Variants in USP6 observed in about 807,000 individuals in gnomAD.
The protein encoded by USP6 is ubiquitin specific peptidase 6.
A neutral mutation model predicts 175.7 loss-of-function variants in USP6; 128 were observed. The observed-to-expected ratio is 0.73, with a 90% CI of 0.63 to 0.84. The LOEUF (loss-of-function observed/expected upper bound fraction) is 0.84, where lower values mean the gene tolerates loss of function less well. Among genes scored for constraint, USP6 ranks in the 40% least tolerant of loss-of-function variants. The pLI, the probability that USP6 is intolerant of heterozygous loss-of-function variation, is 0.00. For synonymous variants in USP6, 562 were observed against 630.6 expected (o/e 0.89, Z 1.63); for missense variants, 1,498 against 1,760.3 (o/e 0.85, Z 2.67).
chr17:5,147,246 T>G (rs746209674), intron 29 of USP6, 52 bp downstream of exon 29: 54 of 1,518,162 alleles, frequency 3.6e-5, no homozygotes, highest in Non-Finnish European at 4.7e-5. Context: ...AATATTTGTC[T>G]AAGAGTTGTC....
intron 2 of USP6, among the ~76,000 whole-genome samples, chr17:5,119,445 C>A (rs1376966702): frequency 6.6e-6 from 1 of 152,106 alleles, no homozygotes; most frequent in Non-Finnish European, 1.5e-5. Flanking sequence ...CTTCTTCAGC[C>A]CCCACTAAAG....
intron 25 of USP6, among the ~76,000 whole-genome samples, chr17:5,144,477 T>C (rs1354351807): frequency 6.6e-6 from 1 of 152,142 alleles, no homozygotes; most frequent in Non-Finnish European, 1.5e-5. Flanking sequence ...GAGGACACAG[T>C]ATTGGCCAAA....
chr17:5,139,066 G>T (rs1389374002), intron 21 of USP6, 189 bp from the exon 22 acceptor site: 5 of 1,590,636 alleles, frequency 3.1e-6, no homozygotes, highest in Non-Finnish European at 4.3e-6. Context: ...TGCCCCAACG[G>T]CTTCCCCATG....
rs1177550896 is a variant in USP6, at chr17:5,162,870, T to TC, written c.2916-8dup. ...AATTATTTCTTCCTCTGTGGATCTT[T>TC]CCCCCCTTTTTAGATTTTGCAGAGG... On this transcript the variant is annotated splice_polypyrimidine_tract_variant and intron_variant, in intron 32 of 37. Coordinates refer to ENST00000574788, the MANE Select transcript of USP6 (RefSeq NM_001304284.2). 5 of 1,590,242 alleles carry TC rather than the reference T, an allele frequency of 3.1e-6. No homozygotes were observed. The African/African-American group carries it at 4.1e-5, about 13-fold the overall frequency.
chr17:5,135,300 T>A lies in USP6; in HGVS notation c.543+18T>A, dbSNP rs1567783969. 1 of 1,611,960 alleles carries A rather than the reference T, an allele frequency of 6.2e-7. No homozygotes were observed. Among genetic ancestry groups the A allele is most frequent in the East Asian group, 2.2e-5 (1 of 44,814 alleles). On this transcript the variant is annotated intron_variant, in intron 16 of 37. Coordinates refer to ENST00000574788, the MANE Select transcript of USP6 (RefSeq NM_001304284.2). ...ATAACCCGGTGAGTATTCCCGGCAG[T>A]GAGGTTCCCAGGCTGTATTTCCATA...
chr17:5,140,200 G>A (rs556373132), intron 22 of USP6, among the ~76,000 whole-genome samples: 4 of 152,290 alleles, frequency 2.6e-5, no homozygotes, highest in Admixed American at 2.6e-4. Context: ...ATATTGTAAA[G>A]GCACTACAGT....
At position 5,161,528 on chromosome 17, in the gene USP6, T is replaced by G; in HGVS notation, c.2829T>G (p.Arg943=). 6.2e-7 allele frequency: 1 copy of G among 1,613,718 alleles called. No individual in the cohort carries two copies. Among genetic ancestry groups the G allele is most frequent in the Non-Finnish European group, 8.5e-7 (1 of 1,179,710 alleles). Residue 943 remains arginine (R), a splice_region_variant and synonymous_variant, in exon 32 of 38, where the codon CGT becomes CGG. Coordinates refer to ENST00000574788, the MANE Select transcript of USP6 (RefSeq NM_001304284.2). ...PQEASIHAQD[R]DNCMGYQYPF... Reference sequence around the variant, plus strand: ...CTCTTTTTGTTCTCTTCTGTTTCAGTGATAACTGTATGGGCTATCAATATC... The same window carrying G: ...CTCTTTTTGTTCTCTTCTGTTTCAGGGATAACTGTATGGGCTATCAATATC...
intron 18 of USP6, 57 bp from the exon 19 acceptor site, chr17:5,137,064 G>A (rs2073276337): frequency 2.5e-6 from 4 of 1,573,062 alleles, no homozygotes; most frequent in Non-Finnish European, 3.5e-6. Context: ...GGCCCTGGAA[G>A]ATGGAGGTTT....
In USP6 at chr17:5,171,605, A is replaced by T. The variant is rs1164876206; in HGVS notation, c.3973A>T (p.Ser1325Cys). The T allele has an allele frequency of 3.1e-6, 5 of 1,613,656 alleles. No homozygotes were observed. Among genetic ancestry groups the T allele is most frequent in the Non-Finnish European group, 4.2e-6 (5 of 1,179,784 alleles). The change falls in exon 37 of 38, where the codon AGT (serine) becomes TGT (cysteine). Residue 1325 changes from serine (S) to cysteine (C), a missense_variant. This residue lies in a region of USP6 where 1,217 missense variants were observed against 1,500.8 expected (regional missense o/e 0.81). Coordinates refer to ENST00000574788, the MANE Select transcript of USP6 (RefSeq NM_001304284.2). Reference protein sequence around the residue: ...YAISCHSGILSGGHYITYAKN... With the variant: ...YAISCHSGILCGGHYITYAKN... ...CTTACAGTGCCATTCAGGAATTCTGAGTGGGGGCCATTACATCACTTATGC... is the reference window on the plus strand; with the variant it reads ...CTTACAGTGCCATTCAGGAATTCTGTGTGGGGGCCATTACATCACTTATGC...
chr17:5,158,643 GA>G (rs2073941758), intron 31 of USP6, among the ~76,000 whole-genome samples: 2 of 145,766 alleles, frequency 1.4e-5, no homozygotes, highest in Admixed American at 1.4e-4. Context: ...GAGAGAGAGA[GA>G]GAGAGAGAGA....
chr17:5,171,520 T>A, intron 36 of USP6, 67 bp from the exon 37 acceptor site: 2 of 1,458,100 alleles, frequency 1.4e-6, no homozygotes, highest in Non-Finnish European at 1.9e-6. Flanking sequence ...TGCTCAGATC[T>A]TAGTGCTATA....
chr17:5,167,563 G>A (rs1469482159), intron 33 of USP6, among the ~76,000 whole-genome samples: 1 of 152,136 alleles, frequency 6.6e-6, no homozygotes, highest in Non-Finnish European at 1.5e-5. Context: ...CCGGGCTGGA[G>A]TGCAGTGGCG....
chr17:5,170,808 G>T lies in USP6; in HGVS notation c.3847G>T (p.Asp1283Tyr). The change falls in exon 36 of 38, where the codon GAT (aspartate) becomes TAT (tyrosine). Residue 1283 changes from aspartate to tyrosine, a missense_variant. By Grantham distance (160) the Asp-to-Tyr change is radical. This residue lies in a region of USP6 where 1,217 missense variants were observed against 1,500.8 expected (regional missense o/e 0.81). Coordinates refer to ENST00000574788, the MANE Select transcript of USP6 (RefSeq NM_001304284.2). ...EHEACGNGCG[D>Y]GYSNGQLGNH... ...TGAAGCATGTGGCAATGGCTGTGGC[G>T]ATGGCTACAGCAATGGTCAGCTTGG... 4 of 1,613,670 alleles carry T rather than the reference G, an allele frequency of 2.5e-6. No homozygotes were observed. The highest frequency in any genetic ancestry group is 3.4e-6 in the Non-Finnish European group (4 of 1,179,868).
In USP6 at chr17:5,170,741, G is replaced by A; in HGVS notation, c.3780G>A (p.Gln1260=). The change falls in exon 36 of 38, where the codon CAG becomes CAA. Residue 1260 remains glutamine, a synonymous_variant. Coordinates refer to ENST00000574788, the MANE Select transcript of USP6 (RefSeq NM_001304284.2). ...GCCAACCAGAGCTGGTCACTCCTCA[G>A]GACCATGAGGTAGCTTTGGCCAATG... ...GGSQPELVTP[Q]DHEVALANGF... is the part of the protein sequence containing the mutation. 6.2e-7 allele frequency: 1 copy of A among 1,613,994 alleles called. No homozygotes were observed. The highest frequency in any genetic ancestry group is 1.1e-5 in the South Asian group (1 of 91,076).
rs2074199384 is a variant in USP6 at position 5,170,779 on chromosome 17, A to G, written c.3818A>G (p.Glu1273Gly). 6.2e-7 allele frequency: 1 copy of G among 1,613,806 alleles called. No homozygotes were observed. Among genetic ancestry groups the G allele is most frequent in the African/African-American group, 1.3e-5 (1 of 74,900 alleles). ...EVALANGFLY[E>G]HEACGNGCGD... ...GCTTTGGCCAATGGATTCCTTTATG[A>G]GCATGAAGCATGTGGCAATGGCTGT... Residue 1273 changes from glutamate to glycine, a missense_variant, in exon 36 of 38, where the codon GAG becomes GGG. Transcript: ENST00000574788.
intron 5 of USP6, 117 bp from the exon 6 acceptor site, chr17:5,125,704 A>G (rs2072873732): frequency 6.6e-6 from 1 of 151,976 alleles, no homozygotes; most frequent in Non-Finnish European, 1.5e-5. Context: ...ACACACACAC[A>G]CACACACACA....
Position 5,142,418 on chromosome 17 carries a change from G to C in USP6, c.1734G>C (p.Lys578Asn). ...ELNRTNPIGM[K>N]GHMAKCYGDL... ...CTAGGACAAATCCCATTGGTATGAA[G>C]GGGCATATGGCTAAATGCTATGGTG... Residue 578 changes from lysine (K) to asparagine (N), a missense_variant, in exon 25 of 38, where the codon AAG (lysine) becomes AAC (asparagine). Transcript: ENST00000574788. 1.9e-6 allele frequency: 3 copies of C among 1,613,862 alleles called. No homozygotes were observed. Among genetic ancestry groups the C allele is most frequent in the Non-Finnish European group, 2.5e-6 (3 of 1,179,788 alleles).
At chr17:5,122,791 G>T (rs2072731208) in intron 4 of USP6, among the ~76,000 whole-genome samples, 2 of 152,360 alleles carry the variant, frequency 1.3e-5, no homozygotes. Context: ...TAGGGCGAGG[G>T]GTCGGGGCCG....
rs61740308 is a variant in USP6, at chr17:5,139,420, G to A, written c.1244G>A (p.Cys415Tyr). ...TGGGCATCTCGTTTTTCCACGCCCT[G>A]TCCTGGTGGGGCTGTCCGGGAAGAC... ...PPWASRFSTPCPGGAVREDTY... is the reference protein window; with the variant it reads ...PPWASRFSTPYPGGAVREDTY... Residue 415 changes from cysteine (C) to tyrosine (Y), a missense_variant, in exon 22 of 38, where the codon TGT (cysteine) becomes TAT (tyrosine). Around this residue, in one of 2 missense-constraint regions of USP6, gnomAD observed 1,217 missense variants for 1,500.8 expected, o/e 0.81. Transcript: ENST00000574788. The A allele has an allele frequency of 0.11, 174,485 of 1,613,026 alleles. 10,592 individuals carry two copies. Among genetic ancestry groups the A allele is most frequent in the African/African-American group, 0.17 (12,843 of 74,994 alleles).
Sources: allele counts gnomAD v4.1 joint callset (sites outside exome capture counted in the v4.1 genomes callset), GRCh38; gene constraint gnomAD v4.1.1; regional missense constraint gnomAD v4.1.1; transcripts MANE v1.5; gene names NCBI Gene and HGNC (gene_info 2026-07-23, HGNC 2026-07-21).